EIPR1: variants seen among roughly 807,000 people sequenced by gnomAD.
EIPR1 encodes the protein EARP and GARP complex-interacting protein 1.
In EIPR1, 25 loss-of-function variants were observed where a neutral mutation model predicts 48.1. The ratio of observed to expected loss-of-function variants is 0.52; its 90% CI spans 0.38 to 0.73. EIPR1 has a LOEUF of 0.73. Among genes scored for constraint, EIPR1 ranks in the 30% least tolerant of loss-of-function variants. EIPR1 has a pLI of 0.00. For synonymous variants in EIPR1, 204 were observed against 201.9 expected, an observed-to-expected ratio of 1.01 and a Z score of -0.09; for missense variants, 415 against 506.2, an observed-to-expected ratio of 0.82 and a Z score of 1.73.
At chr2:3,323,457 A>G (rs1669596407) in intron 3 of EIPR1, among the ~76,000 whole-genome samples, 1 of 152,156 alleles carries the variant, frequency 6.6e-6, no homozygotes, top group South Asian at 2.1e-4. Context: ...GAGGGTAAAG[A>G]GTTCCTTAAG....
intron 4 of EIPR1, among the ~76,000 whole-genome samples, chr2:3,239,993 A>T (rs917185851): frequency 5.9e-5 from 9 of 151,964 alleles, no homozygotes; most frequent in Admixed American, 5.2e-4. Flanking sequence ...TCCCAAGGAA[A>T]GCCAGCAGAC....
At chr2:3,299,624 TCACACACACACACACACACA>T in intron 3 of EIPR1, among the ~76,000 whole-genome samples, 1 of 136,812 alleles carries the variant, frequency 7.3e-6, no homozygotes, top group East Asian at 2.1e-4. Flanking sequence ...TCTCTCTCTC[TCACACACACACACACACACA>T]CACACACACA....
intron 3 of EIPR1, among the ~76,000 whole-genome samples, chr2:3,313,561 G>A (rs11127405): frequency 0.059 from 8,990 of 152,226 alleles, 261 homozygotes; most frequent in Non-Finnish European, 0.058. Flanking sequence ...AACGGGCTTC[G>A]AGAAGGTCCA....
At chr2:3,250,124 C>T (rs1261637434) in intron 4 of EIPR1, among the ~76,000 whole-genome samples, 3 of 152,218 alleles carry the variant, frequency 2.0e-5, no homozygotes, top group African/African-American at 7.2e-5. Flanking sequence ...AAGGAACCTT[C>T]TGCCCTCCAG....
intron 1 of EIPR1, among the ~76,000 whole-genome samples, chr2:3,374,468 A>G (rs1370561384): frequency 1.3e-5 from 2 of 152,116 alleles, no homozygotes; most frequent in Non-Finnish European, 2.9e-5. Context: ...GAAAATTTTC[A>G]CAACCTGCTC....
At chr2:3,252,685 C>T (rs1368205736) in intron 4 of EIPR1, among the ~76,000 whole-genome samples, 4 of 152,108 alleles carry the variant, frequency 2.6e-5, no homozygotes, top group Admixed American at 6.5e-5. Flanking sequence ...GTTAACCAGG[C>T]GAGGCTGAGA....
intron 1 of EIPR1, among the ~76,000 whole-genome samples, chr2:3,360,142 G>C (rs1022593302): frequency 6.6e-6 from 1 of 151,522 alleles, no homozygotes; most frequent in Non-Finnish European, 1.5e-5. Context: ...AGTGGCTCAC[G>C]CCTGTAATCC....
intron 1 of EIPR1, among the ~76,000 whole-genome samples, chr2:3,375,361 C>T (rs1659839373): frequency 6.7e-6 from 1 of 149,694 alleles, no homozygotes; most frequent in Non-Finnish European, 1.5e-5. Context: ...GCACATGTAC[C>T]TTAAAACTTA....
At chr2:3,308,451 A>G (rs1481388404) in intron 3 of EIPR1, among the ~76,000 whole-genome samples, 1 of 152,264 alleles carries the variant, frequency 6.6e-6, no homozygotes, top group African/African-American at 2.4e-5. Flanking sequence ...AAAACATTTA[A>G]AGACAGAACA....
chr2:3,336,896 AGGGAAAAGGG>A (rs1670069024), intron 3 of EIPR1, among the ~76,000 whole-genome samples: 1 of 86,246 alleles, frequency 1.2e-5, no homozygotes, highest in Non-Finnish European at 2.5e-5. Flanking sequence ...AGGGAAGGGA[AGGGAAAAGGG>A]AAGGGAAGGG....
chr2:3,189,189 A>G lies in EIPR1; in HGVS notation c.*145T>C, dbSNP rs1400407856. The G allele has an allele frequency of 2.3e-6, 2 of 860,730 alleles. No individual in the cohort carries two copies. Among genetic ancestry groups the G allele is most frequent in the Admixed American group, 3.3e-5 (1 of 30,398 alleles). The allele number at this position is 860,730 out of a possible 1,614,324, so 53.3% of individuals were successfully genotyped here. A position where few individuals can be genotyped will look rare whatever the true frequency, so the allele number is the denominator to read the frequency against. ...ATAGCCCCATTCACCCCATTCATAA[A>G]TGCTGCTGCTACAGGAAGGGAACAG... On this transcript the variant is annotated 3_prime_UTR_variant, in exon 9 of 9. Coordinates refer to ENST00000382125, the MANE Select transcript of EIPR1 (RefSeq NM_003310.5). This position sits in a 1 kb window ranked among gnomAD's most constrained non-coding sequence, Gnocchi z 4.6.
intron 3 of EIPR1, among the ~76,000 whole-genome samples, chr2:3,294,023 C>T (rs1668451395): frequency 6.6e-6 from 1 of 152,102 alleles, no homozygotes; most frequent in Non-Finnish European, 1.5e-5. Context: ...ATCCAAAGTG[C>T]AAATAATGTT....
intron 3 of EIPR1, 45 bp from the exon 4 acceptor site, chr2:3,257,500 GC>G: frequency 6.2e-7 from 1 of 1,601,784 alleles, no homozygotes; most frequent in South Asian, 1.1e-5. Flanking sequence ...AGCACGGTGT[GC>G]CCCGCATTCT....
intron 2 of EIPR1, among the ~76,000 whole-genome samples, chr2:3,348,105 G>A (rs1670459147): frequency 6.6e-6 from 1 of 152,178 alleles, no homozygotes; most frequent in Non-Finnish European, 1.5e-5. Flanking sequence ...ACCAATCAGA[G>A]GCGCTGCAGG....
chr2:3,304,842 T>TCCAGTTCAGCCCTCCACTCCCAC (rs1553298048), intron 3 of EIPR1, among the ~76,000 whole-genome samples: 2 of 101,942 alleles, frequency 2.0e-5, no homozygotes, highest in African/African-American at 7.9e-5. Context: ...TCCAGTCCCG[T>TCCAGTTCAGCCCTCCACTCCCAC]CCAGTTCAGC....
chr2:3,278,663 C>G (rs2103256363), intron 3 of EIPR1, among the ~76,000 whole-genome samples: 1 of 152,272 alleles, frequency 6.6e-6, no homozygotes, highest in East Asian at 1.9e-4. Context: ...GAGGGGCCTT[C>G]CCCTCCAGCT....
intron 6 of EIPR1, among the ~76,000 whole-genome samples, chr2:3,196,341 A>G (rs1255041092): frequency 6.6e-6 from 1 of 152,222 alleles, no homozygotes; most frequent in Non-Finnish European, 1.5e-5. Flanking sequence ...CAGACGTGCT[A>G]CCATCACTCC....
At chr2:3,283,679 C>T (rs1375527473) in intron 3 of EIPR1, among the ~76,000 whole-genome samples, 2 of 152,148 alleles carry the variant, frequency 1.3e-5, no homozygotes, top group Non-Finnish European at 2.9e-5. Flanking sequence ...GGCACAGAGG[C>T]TCCAATCTAA....
intron 2 of EIPR1, among the ~76,000 whole-genome samples, chr2:3,342,944 ATAAAG>A (rs2103358614): frequency 6.6e-6 from 1 of 152,348 alleles, no homozygotes; most frequent in South Asian, 2.1e-4. Context: ...CATGAGCAAA[ATAAAG>A]TAATGGCTGA....
Sources: gnomAD v4.1 joint callset for allele counts (sites outside exome capture counted in the v4.1 genomes callset) on GRCh38, gnomAD v4.1.1 for gene constraint, Gnocchi (gnomAD v3.1) non-coding constraint, MANE v1.5 for transcripts, NCBI Gene and HGNC (gene_info 2026-07-23, HGNC 2026-07-21) for gene names.